ZGRF1: variants seen among roughly 807,000 people sequenced by gnomAD.
The protein encoded by ZGRF1 is zinc finger GRF-type containing 1.
ZGRF1 carries 196 observed loss-of-function variants against 203.5 expected under a neutral mutation model. The observed-to-expected ratio is 0.96, with a 90% CI of 0.86 to 1.08. ZGRF1 has a LOEUF of 1.08. Ranked by LOEUF, ZGRF1 falls within the 50% of genes least tolerant of loss-of-function variation. The pLI is 0.00. For missense variants in ZGRF1, 2,326 were observed against 2,416.3 expected (o/e 0.96, Z 0.78); for synonymous variants, 809 against 841.3 (o/e 0.96, Z 0.66).
chr4:112,543,269 C>T (rs1034250668), intron 24 of ZGRF1, among the ~76,000 whole-genome samples: 11 of 152,088 alleles, frequency 7.2e-5, no homozygotes, highest in African/African-American at 2.7e-4. Flanking sequence ...AACCCCAGTC[C>T]TGATTTTGTT....
At chr4:112,589,920 T>G in intron 10 of ZGRF1, 46 bp from the exon 11 acceptor site, 2 of 1,441,490 alleles carry the variant, frequency 1.4e-6, no homozygotes, top group Non-Finnish European at 1.9e-6. Context: ...ATCTTCTGAT[T>G]TTTTTCTTTA....
Position 112,619,582 on chromosome 4 carries a change from A to G in ZGRF1, c.460T>C (p.Phe154Leu), listed in dbSNP as rs1485090647. 5 of 1,614,128 alleles carry G rather than the reference A, an allele frequency of 3.1e-6. No homozygotes were observed. Among genetic ancestry groups the G allele is most frequent in the Non-Finnish European group, 4.2e-6 (5 of 1,179,984 alleles). ...KKTGPTIFSP[F>L]CSMPPLFPTV... ...GGAAACAAAGGAGGCATGCTGCAGA[A>G]TGGAGAAAAAATAGTAGGGCCAGTT... is the stretch of plus-strand genomic sequence containing the variant. The change falls in exon 6 of 28, where the codon TTC becomes CTC. Residue 154 changes from phenylalanine to leucine, a missense_variant. Phe to Leu is a conservative substitution (Grantham distance 22). Transcript: ENST00000505019.
intron 24 of ZGRF1, among the ~76,000 whole-genome samples, chr4:112,541,556 A>T: frequency 7.1e-6 from 1 of 141,774 alleles, no homozygotes; most frequent in Non-Finnish European, 1.5e-5. Context: ...TTTGAGATGG[A>T]GTCACCCTGT....
At chr4:112,540,406 C>G (rs1420399250) in intron 26 of ZGRF1, among the ~76,000 whole-genome samples, 2 of 151,234 alleles carry the variant, frequency 1.3e-5, no homozygotes, top group South Asian at 4.2e-4. Flanking sequence ...ATAAAAAATA[C>G]TAAGAGAAAA....
At chr4:112,616,150 C>A (rs1206884815) in intron 6 of ZGRF1, among the ~76,000 whole-genome samples, 1 of 152,070 alleles carries the variant, frequency 6.6e-6, no homozygotes, top group African/African-American at 2.4e-5. Context: ...AATTTGGAAG[C>A]TATCTTGTAT....
chr4:112,581,858 G>GA (rs1240010562), intron 15 of ZGRF1, 56 bp from the exon 16 acceptor site: 10 of 937,784 alleles, frequency 1.1e-5, no homozygotes, highest in Non-Finnish European at 5.9e-6. Context: ...CAAGTTTTTT[G>GA]AAAATCTTTA....
At chr4:112,541,541 T>TG (rs1479656610) in intron 24 of ZGRF1, among the ~76,000 whole-genome samples, 2 of 150,736 alleles carry the variant, frequency 1.3e-5, no homozygotes, top group Non-Finnish European at 3.0e-5. Context: ...TTTGTTTTTT[T>TG]TTTTTTTGAG....
At chr4:112,596,747 C>A (rs1749084061) in intron 10 of ZGRF1, among the ~76,000 whole-genome samples, 2 of 152,192 alleles carry the variant, frequency 1.3e-5, no homozygotes, top group African/African-American at 4.8e-5. Flanking sequence ...GCACATGCCA[C>A]CACGCCTGGC....
At chr4:112,548,463 A>G in intron 22 of ZGRF1, 83 bp from the exon 23 acceptor site, 2 of 1,124,222 alleles carry the variant, frequency 1.8e-6, no homozygotes, top group Non-Finnish European at 2.5e-6. Context: ...TTGTAGGCTA[A>G]AATTAGAGAG....
rs990109041 is a variant in ZGRF1 at position 112,587,307 on chromosome 4, G to C, written c.3750C>G (p.Cys1250Trp). The change falls in exon 12 of 28, where the codon TGC (cysteine) becomes TGG (tryptophan). Residue 1250 changes from cysteine (C) to tryptophan (W), a missense_variant. By Grantham distance (215) the Cys-to-Trp change is radical (BLOSUM62 -2). Coordinates refer to ENST00000505019, the MANE Select transcript of ZGRF1 (RefSeq NM_018392.5). ...EIKNVLGGST[C>W]YNYSVKDLQE... ...GTAAATCCTTTACACTGTAGTTGTA[G>C]CAGGTAGACCCTCCTAATACATTTT... 1 of 1,611,254 alleles carries C rather than the reference G, an allele frequency of 6.2e-7. No individual in the cohort carries two copies. Among genetic ancestry groups the C allele is most frequent in the African/African-American group, 1.3e-5 (1 of 74,826 alleles).
chr4:112,587,274 C>T lies in ZGRF1; in HGVS notation c.3777+6G>A. ...AATGCACCACAAGACCGGTACATTT[C>T]CTCACCTGTAAATCCTTTACACTGT... On this transcript the variant is annotated splice_donor_region_variant and intron_variant, in intron 12 of 27. Transcript: ENST00000505019. 1 of 1,591,392 alleles carries T rather than the reference C, an allele frequency of 6.3e-7. No individual in the cohort carries two copies. The highest frequency in any genetic ancestry group is 1.1e-5 in the South Asian group (1 of 87,616).
At chr4:112,552,691 A>C (rs1293303452) in intron 22 of ZGRF1, among the ~76,000 whole-genome samples, 1 of 152,050 alleles carries the variant, frequency 6.6e-6, no homozygotes, top group Non-Finnish European at 1.5e-5. Context: ...CTTGTTATAG[A>C]TTGGTTATTA....
chr4:112,620,772 G>A (rs1022165558), intron 4 of ZGRF1, among the ~76,000 whole-genome samples: 10 of 151,506 alleles, frequency 6.6e-5, no homozygotes, highest in Admixed American at 5.9e-4. Context: ...AATGAGGTGG[G>A]AGGATGATTT....
chr4:112,583,146 T>A (rs6838392), intron 15 of ZGRF1, among the ~76,000 whole-genome samples: 13 of 151,974 alleles, frequency 8.6e-5, no homozygotes, highest in Non-Finnish European at 1.5e-4. Context: ...AAATAATTCA[T>A]GCGAAGTGCC....
In ZGRF1 at chr4:112,618,818, T is replaced by C. The variant is rs750728189; in HGVS notation, c.1224A>G (p.Ser408=). 9 of 1,613,126 alleles carry C rather than the reference T, an allele frequency of 5.6e-6. No homozygotes were observed. The highest frequency in any genetic ancestry group is 7.6e-6 in the Non-Finnish European group (9 of 1,179,760). The change falls in exon 6 of 28, where the codon TCA becomes TCG. Residue 408 remains serine, a synonymous_variant. Coordinates refer to ENST00000505019, the MANE Select transcript of ZGRF1 (RefSeq NM_018392.5). Reference sequence around the variant, plus strand: ...CCTGTAAGCTACTGCTTTCATTGAATGAAGGAATTTCTAATTTTACTTCCT... The same window carrying C: ...CCTGTAAGCTACTGCTTTCATTGAACGAAGGAATTTCTAATTTTACTTCCT... ...WNQEVKLEIP[S]FNESSSLQVT...
At chr4:112,546,102 C>CAAT (rs1738715720) in intron 24 of ZGRF1, among the ~76,000 whole-genome samples, 1 of 61,450 alleles carries the variant, frequency 1.6e-5, no homozygotes, top group South Asian at 7.3e-4. Context: ...AATGTAGTAC[C>CAAT]AATACATGCT....
intron 3 of ZGRF1, chr4:112,629,758 C>T (rs1407540178): frequency 1.3e-5 from 2 of 152,772 alleles, no homozygotes; most frequent in East Asian, 1.9e-4. Flanking sequence ...GTGGCTCATA[C>T]CTGTAATACC....
intron 1 of ZGRF1, among the ~76,000 whole-genome samples, chr4:112,635,866 T>C (rs2047601792): frequency 6.6e-6 from 1 of 151,944 alleles, no homozygotes; most frequent in Non-Finnish European, 1.5e-5. Context: ...TTCTCCATTA[T>C]TTTCCTAAAT....
intron 10 of ZGRF1, among the ~76,000 whole-genome samples, chr4:112,602,139 G>A (rs934053343): frequency 6.6e-6 from 1 of 151,990 alleles, no homozygotes; most frequent in African/African-American, 2.4e-5. Flanking sequence ...GGAGGCAGAG[G>A]TTGCAGTGAG....
Sources: allele counts gnomAD v4.1 joint callset (sites outside exome capture counted in the v4.1 genomes callset), GRCh38; gene constraint gnomAD v4.1.1; transcripts MANE v1.5; gene names NCBI Gene and HGNC (gene_info 2026-07-23, HGNC 2026-07-21).